UBR1: variants seen among roughly 807,000 people sequenced by gnomAD.
The protein encoded by UBR1 is E3 ubiquitin-protein ligase UBR1.
In UBR1, 102 loss-of-function variants were observed where a neutral mutation model predicts 242.1. The observed-to-expected ratio is 0.42, with a 90% confidence interval of 0.36 to 0.50. The LOEUF (loss-of-function observed/expected upper bound fraction) is 0.50. Among genes scored for constraint, UBR1 ranks in the 20% least tolerant of loss-of-function variants. The pLI, the probability that UBR1 is intolerant of heterozygous loss-of-function variation, is 0.01. For synonymous variants in UBR1, 675 were observed against 684.8 expected (o/e 0.99, Z 0.22); for missense variants, 1,772 against 2,101.8 (o/e 0.84, Z 3.07).
intron 46 of UBR1, among the ~76,000 whole-genome samples, chr15:42,949,459 T>C (rs1208412896): frequency 1.3e-5 from 2 of 151,224 alleles, no homozygotes; most frequent in South Asian, 4.2e-4. Context: ...AAAAAAATTA[T>C]GTGCTAAAGA....
At chr15:42,959,067 G>A (rs938909753) in intron 43 of UBR1, among the ~76,000 whole-genome samples, 2 of 152,136 alleles carry the variant, frequency 1.3e-5, no homozygotes, top group African/African-American at 2.4e-5. Flanking sequence ...CTGACCTCAG[G>A]TGATCCGCCC....
intron 1 of UBR1, among the ~76,000 whole-genome samples, chr15:43,091,802 C>T (rs1200975392): frequency 6.9e-6 from 1 of 145,928 alleles, no homozygotes; most frequent in African/African-American, 2.6e-5. Flanking sequence ...TGTGGTGGTG[C>T]GCATCTGTAA....
intron 29 of UBR1, 139 bp from the exon 30 acceptor site, chr15:43,007,423 A>G (rs2032850092): frequency 1.2e-6 from 1 of 825,134 alleles, no homozygotes. Context: ...ATATTAAGTT[A>G]AAAGCTTCCC....
chr15:43,092,015 G>A (rs753332212), intron 1 of UBR1: 15 of 454,044 alleles, frequency 3.3e-5, no homozygotes, highest in South Asian at 2.3e-4. Flanking sequence ...GAGTCAGAGA[G>A]GGAGAGGTCA....
At chr15:43,062,266 A>C (rs536878457) in intron 6 of UBR1, among the ~76,000 whole-genome samples, 1 of 152,306 alleles carries the variant, frequency 6.6e-6, no homozygotes, top group East Asian at 1.9e-4. Context: ...TGAACAGGCA[A>C]ACAAAATATG....
At chr15:43,087,772 A>C (rs1596138896) in intron 1 of UBR1, among the ~76,000 whole-genome samples, 1 of 152,176 alleles carries the variant, frequency 6.6e-6, no homozygotes, top group Non-Finnish European at 1.5e-5. Context: ...GACTATTTTT[A>C]ATCGTCAAAG....
intron 15 of UBR1, among the ~76,000 whole-genome samples, chr15:43,039,984 T>C (rs966405217): frequency 1.1e-4 from 16 of 152,188 alleles, no homozygotes; most frequent in African/African-American, 3.9e-4. Context: ...ATTACATTTA[T>C]TGATTTGCAT....
At chr15:42,952,473 A>G in intron 44 of UBR1, 25 bp from the exon 45 acceptor site, 1 of 1,613,822 alleles carries the variant, frequency 6.2e-7, no homozygotes, top group Non-Finnish European at 8.5e-7. Context: ...AAACATTTAG[A>G]GAATGATGGA....
rs973555945 is a variant in UBR1 at position 42,943,425 on chromosome 15, C to A, written c.*1904G>T. On this transcript the variant is annotated 3_prime_UTR_variant, in exon 47 of 47. Transcript: ENST00000290650. Reference sequence around the variant, plus strand: ...GGGCTTGGGGCAGCACTGAGACATACGCTCATCTACAGTGCAAAAATCTGA... The same window carrying A: ...GGGCTTGGGGCAGCACTGAGACATAAGCTCATCTACAGTGCAAAAATCTGA... 1.3e-5 allele frequency: 2 copies of A among 152,482 alleles called. No individual in the cohort carries two copies. The highest frequency in any genetic ancestry group is 2.9e-5 in the Non-Finnish European group (2 of 68,016). 9.4% of individuals were successfully genotyped at this position (152,482 alleles called of 1,614,324 possible). A position where few individuals can be genotyped will look rare whatever the true frequency, so the allele number is the denominator to read the frequency against.
At chr15:43,040,961 G>A (rs892559084) in intron 15 of UBR1, among the ~76,000 whole-genome samples, 2 of 152,172 alleles carry the variant, frequency 1.3e-5, no homozygotes, top group Admixed American at 6.5e-5. Flanking sequence ...TGGAGAGGAC[G>A]TGGAGAAATA....
intron 45 of UBR1, 35 bp downstream of exon 45, chr15:42,952,243 T>C: frequency 6.2e-7 from 1 of 1,613,972 alleles, no homozygotes; most frequent in Non-Finnish European, 8.5e-7. Flanking sequence ...ATTCCTTAAG[T>C]TCATCATGAA....
intron 4 of UBR1, among the ~76,000 whole-genome samples, chr15:43,073,210 TTAA>T (rs1281122982): frequency 1.3e-5 from 2 of 152,196 alleles, no homozygotes; most frequent in African/African-American, 2.4e-5. Context: ...CACTTCATTA[TTAA>T]TGATGATGTT....
intron 29 of UBR1, among the ~76,000 whole-genome samples, chr15:43,009,874 T>C (rs959467967): frequency 7.6e-4 from 116 of 152,312 alleles, no homozygotes; most frequent in African/African-American, 2.6e-3. Flanking sequence ...TGCAGCTTTT[T>C]TGTTTTATTT....
In UBR1 at chr15:43,022,588, GGACT is replaced by G. The variant is rs1182425252; in HGVS notation, c.2839+110_2839+113del. 8.7e-6 allele frequency: 6 copies of G among 693,054 alleles called. No homozygotes were observed. The Admixed American group carries it at 1.1e-4, about 12-fold the overall frequency. The allele number at this position is 693,054 out of a possible 1,614,324, so 42.9% of individuals were successfully genotyped here. A position where few individuals can be genotyped will look rare whatever the true frequency, so the allele number is the denominator to read the frequency against. ...TATTTCAGGGTTACCTATGTTTTAA[GGACT>G]GACAGATTAAAACTCTGTAAGATAT... is the stretch of plus-strand genomic sequence containing the variant. On this transcript the variant is annotated intron_variant, in intron 26 of 46. Coordinates refer to ENST00000290650, the MANE Select transcript of UBR1 (RefSeq NM_174916.3).
At chr15:43,104,248 A>G (rs1240429124) in intron 1 of UBR1, among the ~76,000 whole-genome samples, 2 of 152,222 alleles carry the variant, frequency 1.3e-5, no homozygotes, top group African/African-American at 4.8e-5. Flanking sequence ...ATTCCAAATT[A>G]GTGACGTCCA....
chr15:43,005,519 C>T (rs1053135288), intron 30 of UBR1, among the ~76,000 whole-genome samples: 22 of 151,694 alleles, frequency 1.5e-4, no homozygotes, highest in Non-Finnish European at 2.8e-4. Context: ...GGTGGGGGGG[C>T]GCCTCTGTCC....
intron 33 of UBR1, among the ~76,000 whole-genome samples, chr15:42,990,650 A>G (rs2032541431): frequency 6.6e-6 from 1 of 152,224 alleles, no homozygotes; most frequent in African/African-American, 2.4e-5. Flanking sequence ...GGATGACATA[A>G]TACTAGCCTG....
intron 35 of UBR1, among the ~76,000 whole-genome samples, chr15:42,986,065 T>G (rs1596086202): frequency 6.6e-6 from 1 of 152,012 alleles, no homozygotes; most frequent in South Asian, 2.1e-4. Flanking sequence ...TGTGTTTTGT[T>G]GTCCATGGTA....
At position 43,002,635 on chromosome 15, in the gene UBR1, T is replaced by C. The variant is rs774672069; in HGVS notation, c.3579A>G (p.Gly1193=). 1.2e-6 allele frequency: 2 copies of C among 1,614,196 alleles called. No homozygotes were observed. The highest frequency in any genetic ancestry group is 2.2e-5 in the South Asian group (2 of 91,082). ...ATTTGCAAAGAGGGCAAAGATATTCTCCACTTTCCAAGTCAAAAAGGTCAA... is the reference window on the plus strand; with the variant it reads ...ATTTGCAAAGAGGGCAAAGATATTCCCCACTTTCCAAGTCAAAAAGGTCAA... ...IHVDLFDLES[G]EYLCPLCKSL... Residue 1193 remains glycine (G), a synonymous_variant, in exon 32 of 47, where the codon GGA becomes GGG. Coordinates refer to ENST00000290650, the MANE Select transcript of UBR1 (RefSeq NM_174916.3).
Sources: gnomAD v4.1 joint callset for allele counts (sites outside exome capture counted in the v4.1 genomes callset) on GRCh38, gnomAD v4.1.1 for gene constraint, MANE v1.5 for transcripts, NCBI Gene and HGNC (gene_info 2026-07-23, HGNC 2026-07-21) for gene names.